Variants in TRAPPC9 observed in about 807,000 individuals in gnomAD.
TRAPPC9 encodes trafficking protein particle complex subunit 9, also known as IKK2 binding protein.
Under a neutral mutation model 124.0 loss-of-function variants are expected in TRAPPC9, and 83 were observed. The observed-to-expected ratio is 0.67, with a 90% CI of 0.56 to 0.80. The LOEUF (loss-of-function observed/expected upper bound fraction) is 0.80. Among genes scored for constraint, TRAPPC9 ranks in the 30% least tolerant of loss-of-function variants. The pLI, the probability that TRAPPC9 is intolerant of heterozygous loss-of-function variation, is 0.00. For missense variants in TRAPPC9, 1,302 were observed against 1,508.3 expected (o/e 0.86, Z 2.27); for synonymous variants, 638 against 617.5 (o/e 1.03, Z -0.49).
At chr8:139,852,847 A>G (rs1230009233) in intron 21 of TRAPPC9, among the ~76,000 whole-genome samples, 1 of 152,090 alleles carries the variant, frequency 6.6e-6, no homozygotes, top group East Asian at 1.9e-4. Flanking sequence ...AGAGGATGGG[A>G]TATCATCTTT....
chr8:139,889,024 A>T (rs1031583541), intron 20 of TRAPPC9, among the ~76,000 whole-genome samples: 10 of 152,358 alleles, frequency 6.6e-5, no homozygotes, highest in African/African-American at 2.4e-4. Flanking sequence ...TCTTCACAAT[A>T]GCCAAAGGGT....
intron 20 of TRAPPC9, among the ~76,000 whole-genome samples, chr8:139,906,970 C>T (rs145977851): frequency 2.0e-5 from 3 of 151,876 alleles, no homozygotes; most frequent in South Asian, 2.1e-4. Flanking sequence ...CATCTCTCTA[C>T]GTGAACGGGA....
intron 16 of TRAPPC9, among the ~76,000 whole-genome samples, chr8:140,225,874 T>A (rs1283889085): frequency 1.3e-5 from 2 of 152,186 alleles, no homozygotes; most frequent in Non-Finnish European, 2.9e-5. Context: ...AAGGCTCCCA[T>A]CCTTCGCAAA....
At chr8:140,290,370 A>G (rs2065615658) in intron 12 of TRAPPC9, among the ~76,000 whole-genome samples, 1 of 152,202 alleles carries the variant, frequency 6.6e-6, no homozygotes, top group Admixed American at 6.5e-5. Context: ...TGGGACCTAC[A>G]TCGGCATGGG....
At chr8:140,053,001 C>T (rs145172294) in intron 17 of TRAPPC9, among the ~76,000 whole-genome samples, 31 of 152,136 alleles carry the variant, frequency 2.0e-4, no homozygotes, top group African/African-American at 5.8e-4. Flanking sequence ...AAAACAAATA[C>T]CCATGACCCC....
chr8:140,405,510 T>C (rs2069457526), intron 6 of TRAPPC9, 67 bp downstream of exon 6: 4 of 1,558,066 alleles, frequency 2.6e-6, no homozygotes, highest in South Asian at 1.1e-5. Flanking sequence ...CATTACACAA[T>C]GTAAAATGGA....
chr8:140,332,348 T>C (rs1399080865), intron 9 of TRAPPC9, among the ~76,000 whole-genome samples: 1 of 152,156 alleles, frequency 6.6e-6, no homozygotes, highest in Non-Finnish European at 1.5e-5. Flanking sequence ...GAGAGGTTGG[T>C]CAACAGAGAC....
chr8:139,756,485 A>G (rs1367758711), intron 21 of TRAPPC9, among the ~76,000 whole-genome samples: 1 of 136,506 alleles, frequency 7.3e-6, no homozygotes, highest in Non-Finnish European at 1.6e-5. Flanking sequence ...GGATGAGGAC[A>G]GCAGGTCACA....
intron 17 of TRAPPC9, among the ~76,000 whole-genome samples, chr8:140,058,919 T>C (rs1842435148): frequency 6.6e-6 from 1 of 152,194 alleles, no homozygotes; most frequent in Non-Finnish European, 1.5e-5. Flanking sequence ...CGCTGCATAC[T>C]AGAAACTCCT....
intron 9 of TRAPPC9, among the ~76,000 whole-genome samples, chr8:140,344,385 G>A (rs1298164454): frequency 6.6e-6 from 1 of 152,218 alleles, no homozygotes; most frequent in Admixed American, 6.5e-5. Flanking sequence ...TGGGGAAAAT[G>A]AGGTGGGGAG....
Position 140,104,303 on chromosome 8 carries a change from G to A in TRAPPC9, c.2557-80224C>T, listed in dbSNP as rs2060628089. On this transcript the variant is annotated intron_variant, in intron 17 of 22. Transcript: ENST00000438773. The surrounding 1 kb of genome is among the most constrained non-coding windows in gnomAD (Gnocchi z 4.0). Reference sequence around the variant, plus strand: ...CCAGGAGGGCTCCCCGCTCTGCAATGGGTCTTGAAGAACGAGGCATTTTCT... The same window carrying A: ...CCAGGAGGGCTCCCCGCTCTGCAATAGGTCTTGAAGAACGAGGCATTTTCT... Among the ~76,000 whole-genome samples, 1 of 152,154 alleles carries A rather than the reference G, an allele frequency of 6.6e-6. No homozygotes were observed.
At chr8:140,217,298 G>A (rs2063219530) in intron 17 of TRAPPC9, among the ~76,000 whole-genome samples, 1 of 152,164 alleles carries the variant, frequency 6.6e-6, no homozygotes, top group Non-Finnish European at 1.5e-5. Flanking sequence ...CTGTGGCCTT[G>A]AGGAGGTCCT....
chr8:140,366,467 A>G (rs997166850), intron 8 of TRAPPC9, among the ~76,000 whole-genome samples: 1 of 152,202 alleles, frequency 6.6e-6, no homozygotes, highest in African/African-American at 2.4e-5. Context: ...AAGGCAATCA[A>G]TGGAGCAGAG....
chr8:140,287,918 C>T (rs2131740188), intron 12 of TRAPPC9, among the ~76,000 whole-genome samples, 184 bp from the exon 13 acceptor site: 1 of 152,324 alleles, frequency 6.6e-6, no homozygotes, highest in African/African-American at 2.4e-5. Context: ...ACATGGTAAG[C>T]ACTGCAGGTG....
intron 21 of TRAPPC9, among the ~76,000 whole-genome samples, chr8:139,877,017 C>T (rs896263898): frequency 1.3e-5 from 2 of 152,234 alleles, no homozygotes; most frequent in African/African-American, 4.8e-5. Context: ...CCCACATGTG[C>T]AGCCTTCACA....
intron 11 of TRAPPC9, among the ~76,000 whole-genome samples, chr8:140,293,543 G>C (rs1025361027): frequency 1.3e-3 from 199 of 152,272 alleles, no homozygotes; most frequent in African/African-American, 4.4e-3. Context: ...CCATAAAAAA[G>C]GATGAGTTCA....
chr8:140,434,059 C>T (rs1391809883), intron 4 of TRAPPC9, among the ~76,000 whole-genome samples: 1 of 152,190 alleles, frequency 6.6e-6, no homozygotes, highest in Non-Finnish European at 1.5e-5. Context: ...TTTCCGCAAC[C>T]AATCAGACTA....
At chr8:139,932,154 TCAGAAGC>T in intron 19 of TRAPPC9, 1 of 370,964 alleles carries the variant, frequency 2.7e-6, no homozygotes. Context: ...GCTTTGGTGC[TCAGAAGC>T]ATTGACCTTA....
chr8:139,846,276 T>G (rs1214061217), intron 21 of TRAPPC9, among the ~76,000 whole-genome samples: 1 of 152,208 alleles, frequency 6.6e-6, no homozygotes, highest in East Asian at 1.9e-4. Flanking sequence ...AATCCCAGAT[T>G]GAACTGAGCT....
Sources: allele counts gnomAD v4.1 joint callset (sites outside exome capture counted in the v4.1 genomes callset), GRCh38; gene constraint gnomAD v4.1.1; non-coding constraint Gnocchi (gnomAD v3.1); transcripts MANE v1.5; gene names NCBI Gene and HGNC (gene_info 2026-07-23, HGNC 2026-07-21).